Variants in ADAM29 observed in about 807,000 individuals in gnomAD.
The protein encoded by ADAM29 is ADAM metallopeptidase domain 29.
For missense variants in ADAM29, 969 were observed against 1,001.8 expected (o/e 0.97, Z 0.44); for synonymous variants, 367 against 342.3 (o/e 1.07, Z -0.80).
chr4:174,932,580 T>G (rs1743960914), intron 3 of ADAM29, among the ~76,000 whole-genome samples: 1 of 152,174 alleles, frequency 6.6e-6, no homozygotes, highest in Non-Finnish European at 1.5e-5. Context: ...CTCTTAATAT[T>G]ATCACATTGG....
chr4:174,976,889 G>T lies in ADAM29; in HGVS notation c.1364G>T (p.Cys455Phe). The T allele has an allele frequency of 6.2e-7, 1 of 1,614,174 alleles. No individual in the cohort carries two copies. Among genetic ancestry groups the T allele is most frequent in the African/African-American group, 1.3e-5 (1 of 75,046 alleles). The change falls in exon 5 of 5, where the codon TGT becomes TTT. Residue 455 changes from cysteine (C) to phenylalanine (F), a missense_variant. Transcript: ENST00000359240. Reference protein sequence around the residue: ...DCKFLPSGKVCRKEVNECDLP... With the variant: ...DCKFLPSGKVFRKEVNECDLP... ...AAGTTCCTACCATCAGGGAAAGTGT[G>T]TAGAAAGGAGGTCAATGAATGTGAT...
chr4:174,964,767 A>T (rs1579070945), intron 4 of ADAM29, among the ~76,000 whole-genome samples: 2 of 152,008 alleles, frequency 1.3e-5, no homozygotes, highest in South Asian at 4.1e-4. Context: ...CTTGAGTAAA[A>T]CTCTTAACAT....
In ADAM29 at chr4:174,975,541, C is replaced by A. The variant is rs1746712261; in HGVS notation, c.16C>A (p.Leu6Met). ...CTTTTTGAACATGAAGATGTTACTC[C>A]TGCTGCATTGCCTTGGGGTGTTTCT... MKMLL[L>M]LHCLGVFLSC... The change falls in exon 5 of 5, where the codon CTG (leucine) becomes ATG (methionine). Residue 6 changes from leucine (L) to methionine (M), a missense_variant. Transcript: ENST00000359240. The A allele has an allele frequency of 6.6e-7, 1 of 1,513,034 alleles. No individual in the cohort carries two copies. The highest frequency in any genetic ancestry group is 1.4e-5 in the African/African-American group (1 of 71,642). The allele number at this position is 1,513,034 out of a possible 1,614,324, so 93.7% of individuals were successfully genotyped here.
At chr4:174,954,574 G>A (rs1210962731) in intron 4 of ADAM29, among the ~76,000 whole-genome samples, 3 of 152,054 alleles carry the variant, frequency 2.0e-5, no homozygotes, top group Admixed American at 6.6e-5. Flanking sequence ...ATATTGAAAC[G>A]GTTATTGAAA....
intron 4 of ADAM29, among the ~76,000 whole-genome samples, chr4:174,955,100 A>T (rs1419020150): frequency 6.6e-6 from 1 of 152,116 alleles, no homozygotes; most frequent in Non-Finnish European, 1.5e-5. Context: ...TTCAAAATGT[A>T]ATATCAGAGA....
chr4:174,975,677 G>C lies in ADAM29; in HGVS notation c.152G>C (p.Trp51Ser), dbSNP rs1232478550. 1.2e-6 allele frequency: 2 copies of C among 1,612,850 alleles called. No homozygotes were observed. The highest frequency in any genetic ancestry group is 3.3e-5 in the Admixed American group (2 of 59,854). Residue 51 changes from tryptophan (W) to serine (S), a missense_variant, in exon 5 of 5, where the codon TGG (tryptophan) becomes TCG (serine). Transcript: ENST00000359240. ...GTTRGMTPPG[W>S]LSYILPFGGQ... ...ACCAGAGGCATGACACCTCCAGGCT[G>C]GCTCTCCTATATCCTGCCCTTTGGA...
chr4:174,934,382 A>G (rs1379592703), intron 3 of ADAM29, among the ~76,000 whole-genome samples: 1 of 152,164 alleles, frequency 6.6e-6, no homozygotes, highest in Non-Finnish European at 1.5e-5. Context: ...TAATTTCAGT[A>G]TCAGAAATCT....
chr4:174,932,069 A>G (rs1481231849), intron 3 of ADAM29, among the ~76,000 whole-genome samples: 1 of 152,152 alleles, frequency 6.6e-6, no homozygotes, highest in East Asian at 1.9e-4. Context: ...CAGGTAGATC[A>G]CTTGAGGTCA....
chr4:174,947,045 T>C (rs1399571819), intron 4 of ADAM29, among the ~76,000 whole-genome samples: 32 of 152,148 alleles, frequency 2.1e-4, no homozygotes. Context: ...ATGTTTTTAA[T>C]AGTCTCTGAG....
chr4:174,975,487 G>C lies in ADAM29; in HGVS notation c.-39G>C. On this transcript the variant is annotated 5_prime_UTR_variant, in exon 5 of 5. Coordinates refer to ENST00000359240, the MANE Select transcript of ADAM29 (RefSeq NM_014269.4). ...GCTCTGGACCAGTGTTTCCATAACAGGGACTTCAAAATCACTGTGATTTGA... is the reference window on the plus strand; with the variant it reads ...GCTCTGGACCAGTGTTTCCATAACACGGACTTCAAAATCACTGTGATTTGA... 6.7e-7 allele frequency: 1 copy of C among 1,493,996 alleles called. No individual in the cohort carries two copies. The highest frequency in any genetic ancestry group is 1.4e-5 in the South Asian group (1 of 70,006). The allele number at this position is 1,493,996 out of a possible 1,614,324, so 92.5% of individuals were successfully genotyped here.
At chr4:174,965,504 T>TATCTATC (rs1553977747) in intron 4 of ADAM29, among the ~76,000 whole-genome samples, 1 of 151,662 alleles carries the variant, frequency 6.6e-6, no homozygotes, top group Non-Finnish European at 1.5e-5. Flanking sequence ...TCTATCTATC[T>TATCTATC]ATCTATCTAT....
chr4:174,931,877 G>A (rs546900515), intron 3 of ADAM29, among the ~76,000 whole-genome samples: 64 of 151,946 alleles, frequency 4.2e-4, no homozygotes, highest in Non-Finnish European at 8.4e-4. Context: ...GGGAGAGACT[G>A]TTTTGAATGT....
At chr4:174,958,684 A>T (rs1745642700) in intron 4 of ADAM29, among the ~76,000 whole-genome samples, 1 of 151,578 alleles carries the variant, frequency 6.6e-6, no homozygotes, top group Non-Finnish European at 1.5e-5. Context: ...CTTTTCTTTC[A>T]TTACGTTTGT....
At chr4:174,941,207 T>G (rs998881878) in intron 4 of ADAM29, among the ~76,000 whole-genome samples, 3 of 152,134 alleles carry the variant, frequency 2.0e-5, no homozygotes, top group Non-Finnish European at 4.4e-5. Context: ...GGTCTTGGGG[T>G]AAAGGTAGCA....
chr4:174,976,567 C>G lies in ADAM29; in HGVS notation c.1042C>G (p.Arg348Gly), dbSNP rs776510915. 1 of 1,600,408 alleles carries G rather than the reference C, an allele frequency of 6.2e-7. No homozygotes were observed. The highest frequency in any genetic ancestry group is 1.3e-5 in the African/African-American group (1 of 74,780). ...CATGAACCATGATGAGGATACATGT[C>G]GTTGTTCACAACCTAGATGCATAAT... Reference protein sequence around the residue: ...LGMNHDEDTCRCSQPRCIMHE... With the variant: ...LGMNHDEDTCGCSQPRCIMHE... The change falls in exon 5 of 5, where the codon CGT becomes GGT. Residue 348 changes from arginine (R) to glycine (G), a missense_variant. By Grantham distance (125) the Arg-to-Gly change is moderately radical (BLOSUM62 -2). Transcript: ENST00000359240.
Position 174,975,724 on chromosome 4 carries a change from A to T in ADAM29, c.199A>T (p.Ile67Leu). 1 of 1,612,302 alleles carries T rather than the reference A, an allele frequency of 6.2e-7. No individual in the cohort carries two copies. The highest frequency in any genetic ancestry group is 1.1e-5 in the South Asian group (1 of 90,758). The change falls in exon 5 of 5, where the codon ATA becomes TTA. Residue 67 changes from isoleucine to leucine, a missense_variant. Physicochemically the swap from Ile to Leu is conservative, Grantham distance 5. Transcript: ENST00000359240. Reference sequence around the variant, plus strand: ...TGGAGGCCAGAAACACATTATCCACATAAAGGTCAAGAAGCTTTTGTTTTC... The same window carrying T: ...TGGAGGCCAGAAACACATTATCCACTTAAAGGTCAAGAAGCTTTTGTTTTC... ...PFGGQKHIIH[I>L]KVKKLLFSKH...
Position 174,939,177 on chromosome 4 carries a change from A to G in ADAM29, c.-181+2164A>G, listed in dbSNP as rs545723998. 3.3e-5 allele frequency among the ~76,000 whole-genome samples: 5 copies of G among 152,232 alleles called. No homozygotes were observed. In the South Asian group the frequency reaches 1.0e-3, roughly 32 times the overall value. On this transcript the variant is annotated intron_variant, in intron 4 of 4. Coordinates refer to ENST00000359240, the MANE Select transcript of ADAM29 (RefSeq NM_014269.4). The stretch of plus-strand genomic sequence containing the variant: ...CAGGTTCCTGGGGTTAGGACATGGG[A>G]CATATCTTTTTGGGAGCCACCATCC...
intron 4 of ADAM29, among the ~76,000 whole-genome samples, chr4:174,965,372 AC>A (rs1746087921): frequency 6.6e-6 from 1 of 152,022 alleles, no homozygotes; most frequent in African/African-American, 2.4e-5. Flanking sequence ...TAAGAGGTCT[AC>A]CCCCATGATC....
intron 4 of ADAM29, among the ~76,000 whole-genome samples, chr4:174,953,272 C>T (rs1745295408): frequency 6.6e-6 from 1 of 151,938 alleles, no homozygotes; most frequent in South Asian, 2.1e-4. Context: ...GGCAACAGAG[C>T]AAGACTCTGT....
Sources: allele counts gnomAD v4.1 joint callset (sites outside exome capture counted in the v4.1 genomes callset), GRCh38; gene constraint gnomAD v4.1.1; transcripts MANE v1.5; gene names NCBI Gene and HGNC (gene_info 2026-07-23, HGNC 2026-07-21).